The following GALNT2 variants were observed in gnomAD, a reference collection of about 807,000 sequenced individuals.
GALNT2 encodes UDP-GalNAc:polypeptide N-acetylgalactosaminyltransferase 2.
In GALNT2, 31 loss-of-function variants were observed where a neutral mutation model predicts 81.4. That is an observed-to-expected ratio of 0.38 (90% confidence interval 0.29 to 0.51). The LOEUF is 0.51. Ranked by LOEUF, GALNT2 falls within the 20% of genes least tolerant of loss-of-function variation. The pLI is 0.87. For synonymous variants in GALNT2, 303 were observed against 287.4 expected (o/e 1.05, Z -0.55); for missense variants, 629 against 765.7 (o/e 0.82, Z 2.11).
intron 1 of GALNT2, among the ~76,000 whole-genome samples, chr1:230,156,280 G>C (rs1662255075): frequency 6.6e-6 from 1 of 151,500 alleles, no homozygotes; most frequent in African/African-American, 2.4e-5. Context: ...TTACAGCAAA[G>C]ACCTGGATCC....
chr1:230,235,213 CAAAAAAAAAA>C (rs10532058), intron 3 of GALNT2, among the ~76,000 whole-genome samples: 14 of 76,734 alleles, frequency 1.8e-4, no homozygotes, highest in African/African-American at 2.4e-4. Context: ...GACCCTGTCT[CAAAAAAAAAA>C]AAAAAAAAAA....
rs573478928 is a variant in GALNT2, at chr1:230,100,310, C to CTTTT, written c.126+32927_126+32930dup. Among the ~76,000 whole-genome samples the CTTTT allele has an allele frequency of 1.1e-3, 91 of 85,774 alleles. 6 individuals are homozygous for CTTTT. Among genetic ancestry groups the CTTTT allele is most frequent in the African/African-American group, 4.3e-3 (85 of 19,698 alleles). The allele number at this position is 85,774 out of a possible 152,430, so 56.3% of individuals were successfully genotyped here. The stretch of plus-strand genomic sequence containing the variant: ...GGATGCCCAGGGTATCTTTTTATTC[C>CTTTT]TTTTTTTTTTTTTTTTTTTTTTTTT... On this transcript the variant is annotated intron_variant, in intron 1 of 15. Transcript: ENST00000366672.
At chr1:230,236,492 G>A (rs1448959588) in intron 5 of GALNT2, 72 bp downstream of exon 5, 2 of 1,511,986 alleles carry the variant, frequency 1.3e-6, no homozygotes, top group African/African-American at 2.8e-5. Flanking sequence ...TAGTGGGGGT[G>A]CTAATGAGGC....
intron 3 of GALNT2, among the ~76,000 whole-genome samples, chr1:230,206,401 G>T (rs1488232827): frequency 1.3e-5 from 2 of 152,104 alleles, no homozygotes; most frequent in Non-Finnish European, 2.9e-5. Context: ...ATGTTCATTT[G>T]CATGTGTTAA....
chr1:230,154,674 A>T (rs1282134380), intron 1 of GALNT2, among the ~76,000 whole-genome samples: 1 of 152,152 alleles, frequency 6.6e-6, no homozygotes, highest in Non-Finnish European at 1.5e-5. Context: ...GAAGACAGTG[A>T]CAAGAGAATA....
rs1659330547 is a variant in GALNT2, at chr1:230,070,206, T to C, written c.126+2800T>C. Among the ~76,000 whole-genome samples the C allele has an allele frequency of 2.0e-5, 3 of 152,204 alleles. No individual in the cohort carries two copies. The highest frequency in any genetic ancestry group is 4.4e-5 in the Non-Finnish European group (3 of 68,040). The stretch of plus-strand genomic sequence containing the variant: ...ATGTTAAAGCAGTTTATTCAAAATA[T>C]TGTTTAAAATTATGTTTCATTTACA... On this transcript the variant is annotated intron_variant, in intron 1 of 15. Coordinates refer to ENST00000366672, the MANE Select transcript of GALNT2 (RefSeq NM_004481.5). The surrounding 1 kb of genome is among the most constrained non-coding windows in gnomAD (Gnocchi z 4.7).
chr1:230,276,118 C>T (rs1441597997), intron 15 of GALNT2, among the ~76,000 whole-genome samples: 2 of 151,548 alleles, frequency 1.3e-5, no homozygotes, highest in Non-Finnish European at 2.9e-5. Context: ...CATATATAGA[C>T]ACCACAGATA....
intron 1 of GALNT2, among the ~76,000 whole-genome samples, chr1:230,173,943 TG>T (rs1473557571): frequency 1.3e-5 from 2 of 152,148 alleles, no homozygotes; most frequent in Non-Finnish European, 2.9e-5. Context: ...GAGCAACTAT[TG>T]TAAGGCCACC....
intron 1 of GALNT2, among the ~76,000 whole-genome samples, chr1:230,094,886 G>C (rs1422254615): frequency 6.6e-6 from 1 of 152,132 alleles, no homozygotes; most frequent in Non-Finnish European, 1.5e-5. Flanking sequence ...ACAGGAAGCG[G>C]ATTCCGATAC....
intron 1 of GALNT2, among the ~76,000 whole-genome samples, chr1:230,109,216 T>G (rs1157969443): frequency 2.0e-5 from 3 of 152,212 alleles, no homozygotes; most frequent in Admixed American, 2.0e-4. Context: ...GTAGATGGGA[T>G]GCAGCTGCCC....
chr1:230,161,825 C>A (rs1318681132), intron 1 of GALNT2, among the ~76,000 whole-genome samples: 2 of 152,136 alleles, frequency 1.3e-5, no homozygotes, highest in Non-Finnish European at 2.9e-5. Flanking sequence ...ATTCTTGTTT[C>A]TATTACTTAT....
chr1:230,131,626 T>C (rs1164059974), intron 1 of GALNT2, among the ~76,000 whole-genome samples: 1 of 152,198 alleles, frequency 6.6e-6, no homozygotes, highest in Non-Finnish European at 1.5e-5. Flanking sequence ...CTCGCTGCTA[T>C]CCTGATGTCA....
chr1:230,074,636 T>C (rs1469283439), intron 1 of GALNT2, among the ~76,000 whole-genome samples: 2 of 152,246 alleles, frequency 1.3e-5, no homozygotes, highest in Non-Finnish European at 2.9e-5. Context: ...TAGACCTTCT[T>C]GTAATGAGAC....
intron 1 of GALNT2, among the ~76,000 whole-genome samples, chr1:230,071,453 G>A (rs892189055): frequency 2.6e-5 from 4 of 152,188 alleles, no homozygotes; most frequent in Non-Finnish European, 5.9e-5. Flanking sequence ...GTGGACAGAC[G>A]TGTCCCTGAA....
At chr1:230,072,830 G>A (rs1659417343) in intron 1 of GALNT2, among the ~76,000 whole-genome samples, 1 of 152,196 alleles carries the variant, frequency 6.6e-6, no homozygotes. Context: ...ACACTTGAGG[G>A]GCCTCTTGGA....
chr1:230,113,874 C>T (rs1420638819), intron 1 of GALNT2, among the ~76,000 whole-genome samples: 2 of 151,790 alleles, frequency 1.3e-5, no homozygotes, highest in East Asian at 3.9e-4. Flanking sequence ...GACTCAATGG[C>T]TGTGGCTCAG....
intron 1 of GALNT2, among the ~76,000 whole-genome samples, chr1:230,088,623 C>T (rs563531378): frequency 2.6e-5 from 4 of 151,728 alleles, no homozygotes; most frequent in East Asian, 1.9e-4. Context: ...GTGCAAGCTC[C>T]GCTACCCAGG....
At chr1:230,235,213 C>CAAAAA (rs10532058) in intron 3 of GALNT2, among the ~76,000 whole-genome samples, 1 of 76,732 alleles carries the variant, frequency 1.3e-5, no homozygotes, top group African/African-American at 4.9e-5. Context: ...GACCCTGTCT[C>CAAAAA]AAAAAAAAAA....
intron 1 of GALNT2, among the ~76,000 whole-genome samples, chr1:230,156,244 A>G (rs1241215779): frequency 6.8e-6 from 1 of 146,898 alleles, no homozygotes; most frequent in Non-Finnish European, 1.5e-5. Flanking sequence ...AGAGAGAGAG[A>G]GTGTGTGTGT....
Sources: gnomAD v4.1 joint callset for allele counts (sites outside exome capture counted in the v4.1 genomes callset) on GRCh38, gnomAD v4.1.1 for gene constraint, Gnocchi (gnomAD v3.1) non-coding constraint, MANE v1.5 for transcripts, NCBI Gene and HGNC (gene_info 2026-07-23, HGNC 2026-07-21) for gene names.